The following ALDH6A1 variants were observed in gnomAD, a reference collection of about 807,000 sequenced individuals.
ALDH6A1 encodes the protein methylmalonate-semialdehyde/malonate-semialdehyde dehydrogenase [acylating], mitochondrial.
ALDH6A1 carries 43 observed loss-of-function variants against 62.6 expected under a neutral mutation model. The observed-to-expected ratio is 0.69, with a 90% CI of 0.54 to 0.89. The LOEUF is 0.89. Ranked by LOEUF, ALDH6A1 falls within the 40% of genes least tolerant of loss-of-function variation. The probability of loss-of-function intolerance (pLI) is 0.00; values close to 1 mark genes in which losing one functional copy is unlikely to be tolerated. For synonymous variants in ALDH6A1, 194 were observed against 234.2 expected (o/e 0.83, Z 1.57); for missense variants, 551 against 661.3 (o/e 0.83, Z 1.83).
At chr14:74,066,679 A>G (rs754404283) in intron 9 of ALDH6A1, 26 bp downstream of exon 9, 1 of 1,609,284 alleles carries the variant, frequency 6.2e-7, no homozygotes, top group East Asian at 2.2e-5. Context: ...TTCAGCTCTC[A>G]TATTTGTGAA....
chr14:74,065,343 G>C lies in ALDH6A1; in HGVS notation c.1242C>G (p.Tyr414Ter), dbSNP rs1595115598. ...GAACTGGACCAAAAATCTCCTCTTTGTAACAGGTCATATTTGGCTGCCAGG... is the reference window on the plus strand; with the variant it reads ...GAACTGGACCAAAAATCTCCTCTTTCTAACAGGTCATATTTGGCTGCCAGG... ...ISNVKPNMTC[Y>*]KEEIFGPVLV... The change falls in exon 10 of 12, where the codon TAC becomes TAG. Residue 414 changes from tyrosine (Y) to a stop codon, truncating the protein, a stop_gained. Transcript: ENST00000553458. LOFTEE classifies it high-confidence loss of function. 1 of 1,613,986 alleles carries C rather than the reference G, an allele frequency of 6.2e-7. No individual in the cohort carries two copies. Among genetic ancestry groups the C allele is most frequent in the Non-Finnish European group, 8.5e-7 (1 of 1,180,002 alleles).
At position 74,057,150 on chromosome 14, in the gene ALDH6A1, A is replaced by T. The variant is rs771104282; in HGVS notation, c.*3492T>A. ...TATTTTGTCATTATTGCAGGGATGA[A>T]AGTAAGCTTCAAGATAAAATCTTCA... On this transcript the variant is annotated 3_prime_UTR_variant, in exon 12 of 12. Coordinates refer to ENST00000553458, the MANE Select transcript of ALDH6A1 (RefSeq NM_005589.4). 1.2e-6 allele frequency: 2 copies of T among 1,611,518 alleles called. No individual in the cohort carries two copies. Among genetic ancestry groups the T allele is most frequent in the Non-Finnish European group, 1.7e-6 (2 of 1,178,132 alleles).
chr14:74,068,665 C>T (rs2060506242), intron 7 of ALDH6A1, among the ~76,000 whole-genome samples, 195 bp downstream of exon 7: 1 of 151,980 alleles, frequency 6.6e-6, no homozygotes, highest in African/African-American at 2.4e-5. Context: ...ATCGCTTGAA[C>T]CCGGGAGGCA....
rs774446667 is a variant in ALDH6A1 at position 74,057,853 on chromosome 14, C to T, written c.*2789G>A. 9.7e-7 allele frequency: 1 copy of T among 1,029,982 alleles called. No homozygotes were observed. The highest frequency in any genetic ancestry group is 1.2e-6 in the Non-Finnish European group (1 of 856,508). The allele number at this position is 1,029,982 out of a possible 1,614,324, so 63.8% of individuals were successfully genotyped here. A position where few individuals can be genotyped will look rare whatever the true frequency, so the allele number is the denominator to read the frequency against. On this transcript the variant is annotated 3_prime_UTR_variant, in exon 12 of 12. Transcript: ENST00000553458. ...GAAACTCTGAGCAGCAAATAGTTGG[C>T]CAGATGAGTTGTTTCTAATTAGAGC... is the stretch of plus-strand genomic sequence containing the variant.
At position 74,074,849 on chromosome 14, in the gene ALDH6A1, A is replaced by G. The variant is rs2060594906; in HGVS notation, c.111+106T>C. 11 of 1,196,668 alleles carry G rather than the reference A, an allele frequency of 9.2e-6. No individual in the cohort carries two copies. The South Asian group carries it at 1.4e-4, about 16-fold the overall frequency. The allele number at this position is 1,196,668 out of a possible 1,614,324, so 74.1% of individuals were successfully genotyped here. ...TAATCCAAAAGGAGGAAAAAACTAG[A>G]AAGTTTCACATACACTCTGATGACA... On this transcript the variant is annotated intron_variant, in intron 2 of 11. Transcript: ENST00000553458.
rs769393869 is a variant in ALDH6A1 at position 74,065,192 on chromosome 14, C to T, written c.1393G>A (p.Asp465Asn). ...TTCTGTTCACGAACCTGTCCAACATCCACCAAGTGGGCATATTTCCGAGCA... is the reference window on the plus strand; with the variant it reads ...TTCTGTTCACGAACCTGTCCAACATTCACCAAGTGGGCATATTTCCGAGCA... The part of the protein sequence containing the change: ...ATARKYAHLV[D>N]VGQVGVNVPI... The change falls in exon 10 of 12, where the codon GAT becomes AAT. Residue 465 changes from aspartate (D) to asparagine (N), a missense_variant. Coordinates refer to ENST00000553458, the MANE Select transcript of ALDH6A1 (RefSeq NM_005589.4). 6.2e-7 allele frequency: 1 copy of T among 1,614,144 alleles called. No individual in the cohort carries two copies. The highest frequency in any genetic ancestry group is 8.5e-7 in the Non-Finnish European group (1 of 1,180,016).
Position 74,068,956 on chromosome 14 carries a change from C to T in ALDH6A1, c.756G>A (p.Pro252=), listed in dbSNP as rs754017447. The change falls in exon 7 of 12, where the codon CCG becomes CCA. Residue 252 remains proline (P), a synonymous_variant. Transcript: ENST00000553458. ...HEAVNFICDH[P]DIKAISFVGS... is the part of the protein sequence containing the mutation. ...CCACAAAGCTGATTGCTTTGATGTC[C>T]GGATGATCGCAAATAAAATTTACAG... 39 of 1,613,714 alleles carry T rather than the reference C, an allele frequency of 2.4e-5. No individual in the cohort carries two copies. The highest frequency in any genetic ancestry group is 1.6e-4 in the Middle Eastern group (1 of 6,084).
chr14:74,063,848 A>G (rs1016055721), intron 11 of ALDH6A1, among the ~76,000 whole-genome samples: 34 of 145,364 alleles, frequency 2.3e-4, no homozygotes, highest in Non-Finnish European at 4.5e-4. Flanking sequence ...CCTGTGCGAC[A>G]GAGTGAGACT....
At chr14:74,076,233 T>C (rs1165541297) in intron 1 of ALDH6A1, among the ~76,000 whole-genome samples, 2 of 152,184 alleles carry the variant, frequency 1.3e-5, no homozygotes, top group African/African-American at 2.4e-5. Context: ...TGAAATGCCA[T>C]AGGTACATTA....
At chr14:74,067,609 C>T (rs770439118) in intron 7 of ALDH6A1, 40 bp from the exon 8 acceptor site, 1 of 1,600,234 alleles carries the variant, frequency 6.2e-7, no homozygotes, top group South Asian at 1.1e-5. Flanking sequence ...CTTCCTTGGC[C>T]AAATACAACT....
intron 1 of ALDH6A1, among the ~76,000 whole-genome samples, chr14:74,076,570 C>G (rs746438810): frequency 2.0e-5 from 3 of 151,494 alleles, no homozygotes; most frequent in Non-Finnish European, 4.4e-5. Context: ...GAATTTTGCT[C>G]TCATTGACCA....
chr14:74,064,922 T>C lies in ALDH6A1; in HGVS notation c.1405-2A>G. On this transcript the variant is annotated splice_acceptor_variant, in intron 10 of 11. Transcript: ENST00000553458. LOFTEE classifies it high-confidence loss of function. ...TGGAATGGGGACATTCACTCCCACC[T>C]AAAACAGAACAAATCCGTGTCATAT... is the stretch of plus-strand genomic sequence containing the variant. 1 of 1,612,720 alleles carries C rather than the reference T, an allele frequency of 6.2e-7. No individual in the cohort carries two copies. Among genetic ancestry groups the C allele is most frequent in the Non-Finnish European group, 8.5e-7 (1 of 1,178,922 alleles).
intron 1 of ALDH6A1, chr14:74,078,060 A>G (rs1298271645): frequency 2.6e-6 from 1 of 380,164 alleles, no homozygotes; most frequent in African/African-American, 2.1e-5. Context: ...GAACATAACG[A>G]GACTCCATTT....
chr14:74,073,176 T>C (rs1020182325), intron 2 of ALDH6A1, among the ~76,000 whole-genome samples: 1 of 152,024 alleles, frequency 6.6e-6, no homozygotes. Flanking sequence ...TGATCATGAC[T>C]CACTGCAGCC....
In ALDH6A1 at chr14:74,060,599, G is replaced by C. The variant is rs545399557; in HGVS notation, c.*43C>G. The C allele has an allele frequency of 1.5e-4, 207 of 1,342,134 alleles. 1 individual carries two copies. The South Asian group carries it at 2.3e-3, about 15-fold the overall frequency. The allele number at this position is 1,342,134 out of a possible 1,614,324, so 83.1% of individuals were successfully genotyped here. ...ACAAATGAAGCTGGTCAAAAATAAAGGGAGATTACTCAGGATGGAGTCAGT... is the reference window on the plus strand; with the variant it reads ...ACAAATGAAGCTGGTCAAAAATAAACGGAGATTACTCAGGATGGAGTCAGT... On this transcript the variant is annotated 3_prime_UTR_variant, in exon 12 of 12. Transcript: ENST00000553458.
Position 74,074,986 on chromosome 14 carries a change from C to G in ALDH6A1, c.80G>C (p.Trp27Ser). 6.2e-7 allele frequency: 1 copy of G among 1,613,962 alleles called. No individual in the cohort carries two copies. The highest frequency in any genetic ancestry group is 8.5e-7 in the Non-Finnish European group (1 of 1,179,946). Residue 27 changes from tryptophan to serine, a missense_variant, in exon 2 of 12, where the codon TGG (tryptophan) becomes TCG (serine). Trp to Ser is a radical substitution (Grantham distance 177, BLOSUM62 -3). Transcript: ENST00000553458. ...VSSKVKSSPT[W>S]YSASSFSSSV... is the part of the protein sequence containing the mutation. ...AGAAGAGAAGGAAGATGCTGAATAC[C>G]AGGTGGGACTGGATTTCACCTTGGA...
At chr14:74,080,911 T>C (rs536256955) in intron 1 of ALDH6A1, among the ~76,000 whole-genome samples, 1 of 152,248 alleles carries the variant, frequency 6.6e-6, no homozygotes, top group Non-Finnish European at 1.5e-5. Flanking sequence ...ACATAGTATC[T>C]TTGCTTTTCT....
chr14:74,082,439 G>A (rs2060679582), intron 1 of ALDH6A1, among the ~76,000 whole-genome samples: 1 of 112,322 alleles, frequency 8.9e-6, no homozygotes, highest in Non-Finnish European at 1.6e-5. Flanking sequence ...TTGCTCTGTC[G>A]CCCAGGCTGG....
At chr14:74,063,175 A>C (rs899536881) in intron 11 of ALDH6A1, among the ~76,000 whole-genome samples, 1 of 151,018 alleles carries the variant, frequency 6.6e-6, no homozygotes, top group African/African-American at 2.4e-5. Context: ...CGATGTGGCA[A>C]TAGTAATAAT....
Sources: allele counts gnomAD v4.1 joint callset (sites outside exome capture counted in the v4.1 genomes callset), GRCh38; gene constraint gnomAD v4.1.1; transcripts MANE v1.5; gene names NCBI Gene and HGNC (gene_info 2026-07-23, HGNC 2026-07-21).